Variants in MAN1C1 observed in about 807,000 individuals in gnomAD.
MAN1C1 encodes the protein mannosyl-oligosaccharide 1,2-alpha-mannosidase IC.
MAN1C1 carries 49 observed loss-of-function variants against 71.5 expected under a neutral mutation model. That is an observed-to-expected ratio of 0.69 (90% CI 0.54 to 0.87). MAN1C1 has a LOEUF of 0.87. MAN1C1 is among the 40% of genes least tolerant of loss of function. MAN1C1 has a pLI of 0.00. For missense variants in MAN1C1, 743 were observed against 835.0 expected (o/e 0.89, Z 1.36); for synonymous variants, 352 against 343.7 (o/e 1.02, Z -0.27).
intron 1 of MAN1C1, among the ~76,000 whole-genome samples, chr1:25,667,463 C>T (rs1483450057): frequency 8.5e-6 from 1 of 118,286 alleles, no homozygotes; most frequent in African/African-American, 3.6e-5. Context: ...CCACCCTGGG[C>T]GATGGAGTGA....
At chr1:25,641,416 G>A (rs941902683) in intron 1 of MAN1C1, among the ~76,000 whole-genome samples, 2 of 152,232 alleles carry the variant, frequency 1.3e-5, no homozygotes, top group Non-Finnish European at 2.9e-5. Context: ...AGGCTAGTGG[G>A]TGATAACTTA....
chr1:25,677,375 A>G (rs60343316), intron 1 of MAN1C1, among the ~76,000 whole-genome samples: 2 of 152,108 alleles, frequency 1.3e-5, no homozygotes, highest in East Asian at 3.9e-4. Context: ...AGGGGCTTCC[A>G]GAGACCATCT....
intron 1 of MAN1C1, among the ~76,000 whole-genome samples, chr1:25,661,367 G>A (rs2045846437): frequency 6.6e-6 from 1 of 152,242 alleles, no homozygotes. Context: ...GAACAAGACA[G>A]ACCCAAAATA....
chr1:25,695,812 T>C (rs1377344932), intron 2 of MAN1C1, among the ~76,000 whole-genome samples: 1 of 152,278 alleles, frequency 6.6e-6, no homozygotes, highest in East Asian at 1.9e-4. Context: ...GTCCCCGCTC[T>C]GGCGCCAGCA....
chr1:25,669,047 CCTCAAA>C (rs1184729022), intron 1 of MAN1C1, among the ~76,000 whole-genome samples: 1 of 152,146 alleles, frequency 6.6e-6, no homozygotes, highest in African/African-American at 2.4e-5. Context: ...CATAGTTGTA[CCTCAAA>C]AGCAAGTGCA....
At chr1:25,663,116 TTTTATTTA>T (rs1035727143) in intron 1 of MAN1C1, among the ~76,000 whole-genome samples, 1 of 147,980 alleles carries the variant, frequency 6.8e-6, no homozygotes, top group Non-Finnish European at 1.5e-5. Flanking sequence ...CATATATATA[TTTTATTTA>T]TTTATTTATA....
intron 8 of MAN1C1, among the ~76,000 whole-genome samples, chr1:25,773,098 T>C (rs1225854119): frequency 2.6e-5 from 4 of 152,214 alleles, no homozygotes; most frequent in Admixed American, 6.5e-5. Flanking sequence ...CTTCCCCAAA[T>C]AGAATATCAG....
chr1:25,651,378 G>T (rs1160439167), intron 1 of MAN1C1, among the ~76,000 whole-genome samples: 3 of 152,136 alleles, frequency 2.0e-5, no homozygotes, highest in Non-Finnish European at 4.4e-5. Context: ...AGCCTCTCCT[G>T]AGCTCACTGC....
chr1:25,774,359 C>T (rs572169571), intron 8 of MAN1C1, among the ~76,000 whole-genome samples: 9 of 152,294 alleles, frequency 5.9e-5, no homozygotes, highest in Non-Finnish European at 1.0e-4. Context: ...ATTTAGCCCC[C>T]ATCTTACAGA....
chr1:25,720,372 G>A (rs984074502), intron 2 of MAN1C1, among the ~76,000 whole-genome samples: 2 of 151,844 alleles, frequency 1.3e-5, no homozygotes, highest in Admixed American at 6.6e-5. Context: ...CGCCATGCCC[G>A]GCTAATTTTT....
chr1:25,698,903 G>A (rs777842279), intron 2 of MAN1C1, among the ~76,000 whole-genome samples: 10 of 150,666 alleles, frequency 6.6e-5, no homozygotes, highest in South Asian at 4.2e-4. Context: ...AGTGGAGATC[G>A]CGCCACTGCA....
At chr1:25,783,359 C>G (rs78833290) in intron 11 of MAN1C1, among the ~76,000 whole-genome samples, 2,757 of 152,270 alleles carry the variant, frequency 0.018, 86 homozygotes, top group African/African-American at 0.062. Flanking sequence ...CCTCAGGCAC[C>G]CCTGCAGAGA....
chr1:25,681,441 G>A (rs751438444), intron 1 of MAN1C1, among the ~76,000 whole-genome samples: 1 of 152,100 alleles, frequency 6.6e-6, no homozygotes, highest in Non-Finnish European at 1.5e-5. Context: ...ACAAGTACCA[G>A]CATTCCACAC....
At position 25,763,872 on chromosome 1, in the gene MAN1C1, A is replaced by T. The variant is rs780904826; in HGVS notation, c.1048-2A>T. The T allele has an allele frequency of 6.2e-7, 1 of 1,613,564 alleles. No homozygotes were observed. The highest frequency in any genetic ancestry group is 2.2e-5 in the East Asian group (1 of 44,870). On this transcript the variant is annotated splice_acceptor_variant, in intron 6 of 11. Transcript: ENST00000374332. LOFTEE classifies it high-confidence loss of function. ...GCTCACCTGGTGTCCGTCTCTCGGC[A>T]GGTCAGGAACATCCGCAAGGTCCTC...
intron 1 of MAN1C1, among the ~76,000 whole-genome samples, chr1:25,666,269 G>A (rs1042119167): frequency 2.0e-5 from 3 of 152,042 alleles, no homozygotes; most frequent in African/African-American, 7.2e-5. Context: ...TTTGCATTTC[G>A]GTTCTCTGTC....
At chr1:25,766,775 T>C (rs2047433291) in intron 7 of MAN1C1, among the ~76,000 whole-genome samples, 1 of 152,048 alleles carries the variant, frequency 6.6e-6, no homozygotes, top group South Asian at 2.1e-4. Context: ...CTGAGTAACT[T>C]GTCCACTGCC....
At chr1:25,641,656 T>A (rs1172810141) in intron 1 of MAN1C1, among the ~76,000 whole-genome samples, 1 of 152,168 alleles carries the variant, frequency 6.6e-6, no homozygotes, top group African/African-American at 2.4e-5. Flanking sequence ...GATTGAAAAA[T>A]CTTTAGAATG....
intron 1 of MAN1C1, among the ~76,000 whole-genome samples, chr1:25,644,134 G>T (rs928478317): frequency 3.9e-5 from 6 of 152,166 alleles, no homozygotes; most frequent in African/African-American, 1.4e-4. Flanking sequence ...AAAGGTGTGA[G>T]CAAAGGGCTG....
chr1:25,642,514 G>C (rs1288273878), intron 1 of MAN1C1, among the ~76,000 whole-genome samples: 1 of 152,222 alleles, frequency 6.6e-6, no homozygotes, highest in Non-Finnish European at 1.5e-5. Context: ...ATATGCTGTA[G>C]ATTAGTGTGA....
Sources: allele counts gnomAD v4.1 joint callset (sites outside exome capture counted in the v4.1 genomes callset), GRCh38; gene constraint gnomAD v4.1.1; transcripts MANE v1.5; gene names NCBI Gene and HGNC (gene_info 2026-07-23, HGNC 2026-07-21).